The following ROBO2 variants were observed in gnomAD, a reference collection of about 807,000 sequenced individuals.
ROBO2 encodes roundabout homolog 2.
Under a neutral mutation model 160.8 loss-of-function variants are expected in ROBO2, and 53 were observed. The observed-to-expected ratio is 0.33, with a 90% CI of 0.26 to 0.41. The LOEUF is 0.41. Among genes scored for constraint, ROBO2 ranks in the 10% least tolerant of loss-of-function variants. The probability of loss-of-function intolerance (pLI) is 1.00; values close to 1 mark genes in which losing one functional copy is unlikely to be tolerated. For synonymous variants in ROBO2, 664 were observed against 611.7 expected (o/e 1.09, Z -1.26); for missense variants, 1,577 against 1,722.4 (o/e 0.92, Z 1.49).
intron 2 of ROBO2, among the ~76,000 whole-genome samples, chr3:76,374,628 G>A (rs2076255718): frequency 6.6e-6 from 1 of 151,940 alleles, no homozygotes; most frequent in Non-Finnish European, 1.5e-5. Context: ...TTTACGCCTT[G>A]TAAATGTTTT....
chr3:77,068,112 G>A (rs1263524370), intron 1 of ROBO2, among the ~76,000 whole-genome samples: 1 of 151,978 alleles, frequency 6.6e-6, no homozygotes, highest in Non-Finnish European at 1.5e-5. Flanking sequence ...CACACCATTA[G>A]TCTTCTGTCA....
intron 2 of ROBO2, among the ~76,000 whole-genome samples, chr3:76,245,348 T>C (rs1173636131): frequency 6.6e-6 from 1 of 152,200 alleles, no homozygotes; most frequent in African/African-American, 2.4e-5. Context: ...CCTGGGAATA[T>C]TGTAGAAATT....
chr3:77,273,429 A>G (rs906771675), intron 2 of ROBO2, among the ~76,000 whole-genome samples: 1 of 152,214 alleles, frequency 6.6e-6, no homozygotes, highest in Non-Finnish European at 1.5e-5. Flanking sequence ...TTATGGTTCA[A>G]AAACAACTGA....
intron 2 of ROBO2, among the ~76,000 whole-genome samples, chr3:76,108,898 A>G (rs866339480): frequency 2.6e-5 from 4 of 151,556 alleles, no homozygotes; most frequent in Middle Eastern, 4.5e-3. Context: ...TCAATTATTA[A>G]AATGTAATTT....
chr3:76,072,559 AGTTTTTTT>A (rs1256111431), intron 2 of ROBO2, among the ~76,000 whole-genome samples: 8 of 152,186 alleles, frequency 5.3e-5, no homozygotes, highest in South Asian at 4.1e-4. Context: ...ATTAAAGCTT[AGTTTTTTT>A]GTTTTTTTGT....
chr3:77,486,795 G>T (rs996700242), intron 4 of ROBO2, among the ~76,000 whole-genome samples: 56 of 152,056 alleles, frequency 3.7e-4, no homozygotes, highest in African/African-American at 1.2e-3. Flanking sequence ...ATCTTGTGAT[G>T]CTTCTCTGCC....
intron 20 of ROBO2, among the ~76,000 whole-genome samples, chr3:77,604,992 C>T (rs1203973489): frequency 6.6e-6 from 1 of 151,296 alleles, no homozygotes; most frequent in African/African-American, 2.4e-5. Flanking sequence ...ATGGTGAAAC[C>T]CCATCTCTGA....
At chr3:76,457,952 T>C (rs2077864289) in intron 2 of ROBO2, among the ~76,000 whole-genome samples, 2 of 152,098 alleles carry the variant, frequency 1.3e-5, no homozygotes, top group African/African-American at 4.8e-5. Flanking sequence ...ACCCTGGACC[T>C]GGCCCACGAA....
At position 76,058,957 on chromosome 3, in the gene ROBO2, T is replaced by A. The variant is rs1466603739; in HGVS notation, c.109+121355T>A. 2.0e-3 allele frequency among the ~76,000 whole-genome samples: 296 copies of A among 151,650 alleles called. 1 individual carries two copies. Among genetic ancestry groups the A allele is most frequent in the Non-Finnish European group, 3.3e-3 (221 of 67,938 alleles). On this transcript the variant is annotated intron_variant, in intron 2 of 26. Coordinates refer to the ROBO2 transcript ENST00000487694. ...GAATGATGGTTTCCAGCTTCACCCATGTCCCTACAAAGGACATGAACTCAT... is the reference window on the plus strand; with the variant it reads ...GAATGATGGTTTCCAGCTTCACCCAAGTCCCTACAAAGGACATGAACTCAT...
chr3:77,573,140 A>G (rs1020711574), intron 13 of ROBO2, among the ~76,000 whole-genome samples: 2 of 152,142 alleles, frequency 1.3e-5, no homozygotes, highest in East Asian at 3.9e-4. Flanking sequence ...CTATTAAACT[A>G]TGATAAGGGA....
chr3:76,172,436 TAAAA>T (rs59265395), intron 2 of ROBO2, among the ~76,000 whole-genome samples: 1 of 124,754 alleles, frequency 8.0e-6, no homozygotes, highest in African/African-American at 3.0e-5. Context: ...GTATAATAAT[TAAAA>T]AAAAAAAAAA....
chr3:76,363,734 A>G (rs933969830), intron 2 of ROBO2, among the ~76,000 whole-genome samples: 1 of 152,106 alleles, frequency 6.6e-6, no homozygotes, highest in African/African-American at 2.4e-5. Flanking sequence ...AAAGGCTCAG[A>G]ATGATCTGTA....
intron 2 of ROBO2, among the ~76,000 whole-genome samples, chr3:76,276,740 A>G (rs1707946143): frequency 6.6e-6 from 1 of 152,028 alleles, no homozygotes; most frequent in South Asian, 2.1e-4. Context: ...CAATGCCTTA[A>G]TTAACATTGA....
intron 2 of ROBO2, among the ~76,000 whole-genome samples, chr3:77,350,236 C>T (rs1419939973): frequency 6.6e-6 from 1 of 151,516 alleles, no homozygotes; most frequent in Non-Finnish European, 1.5e-5. Context: ...TAGCTATTAA[C>T]CCAGGTAATT....
At chr3:76,323,999 GA>G (rs2072799921) in intron 2 of ROBO2, among the ~76,000 whole-genome samples, 1 of 152,102 alleles carries the variant, frequency 6.6e-6, no homozygotes, top group Non-Finnish European at 1.5e-5. Context: ...TAAACATTGA[GA>G]AATGGTAGAA....
At chr3:76,025,454 CT>C (rs771459791) in intron 2 of ROBO2, among the ~76,000 whole-genome samples, 1 of 151,640 alleles carries the variant, frequency 6.6e-6, no homozygotes, top group Non-Finnish European at 1.5e-5. Flanking sequence ...TGAAAATCAC[CT>C]TCTCTTTATT....
intron 2 of ROBO2, among the ~76,000 whole-genome samples, chr3:76,180,707 A>T (rs1343115725): frequency 6.6e-6 from 1 of 152,104 alleles, no homozygotes; most frequent in Non-Finnish European, 1.5e-5. Context: ...GTTTGCTCCC[A>T]CCCTTAACCA....
At chr3:76,915,782 T>C (rs2076268106) in intron 2 of ROBO2, among the ~76,000 whole-genome samples, 1 of 152,020 alleles carries the variant, frequency 6.6e-6, no homozygotes, top group African/African-American at 2.4e-5. Flanking sequence ...CTAAGTAAGT[T>C]TGGGCTGCTA....
intron 2 of ROBO2, among the ~76,000 whole-genome samples, chr3:77,231,557 C>G (rs1362978741): frequency 4.6e-5 from 7 of 151,922 alleles, no homozygotes; most frequent in Admixed American, 2.0e-4. Flanking sequence ...TCCTACTTTA[C>G]TAAGAAAATA....
Sources: allele counts gnomAD v4.1 joint callset (sites outside exome capture counted in the v4.1 genomes callset), GRCh38; gene constraint gnomAD v4.1.1; transcripts MANE v1.5; gene names NCBI Gene and HGNC (gene_info 2026-07-23, HGNC 2026-07-21).